EEPD1: variants seen among roughly 807,000 people sequenced by gnomAD.
EEPD1 encodes the protein endonuclease/exonuclease/phosphatase family domain containing 1.
A neutral mutation model predicts 46.3 loss-of-function variants in EEPD1; 17 were observed. The observed-to-expected ratio is 0.37, with a 90% CI of 0.25 to 0.55. The LOEUF (loss-of-function observed/expected upper bound fraction) is 0.55. Among genes scored for constraint, EEPD1 ranks in the 20% least tolerant of loss-of-function variants. The pLI is 0.83. For missense variants in EEPD1, 673 were observed against 745.6 expected (o/e 0.90, Z 1.13); for synonymous variants, 313 against 315.6 (o/e 0.99, Z 0.09).
At chr7:36,261,401 T>C (rs1786921033) in intron 3 of EEPD1, among the ~76,000 whole-genome samples, 1 of 152,188 alleles carries the variant, frequency 6.6e-6, no homozygotes, top group East Asian at 1.9e-4. Context: ...GTTTTACTTT[T>C]TAGCAGAAAG....
intron 2 of EEPD1, among the ~76,000 whole-genome samples, chr7:36,210,893 T>G (rs1785917391): frequency 6.6e-6 from 1 of 152,170 alleles, no homozygotes; most frequent in Non-Finnish European, 1.5e-5. Flanking sequence ...CACACTTTAT[T>G]TATAGTGTGG....
chr7:36,224,623 G>C (rs892268354), intron 2 of EEPD1, among the ~76,000 whole-genome samples: 2 of 152,144 alleles, frequency 1.3e-5, no homozygotes, highest in Non-Finnish European at 2.9e-5. Flanking sequence ...ACAGTAAAAC[G>C]TGAAGAAAGG....
At chr7:36,220,542 A>C (rs933181231) in intron 2 of EEPD1, among the ~76,000 whole-genome samples, 1 of 152,202 alleles carries the variant, frequency 6.6e-6, no homozygotes, top group Non-Finnish European at 1.5e-5. Flanking sequence ...GGGATGAAAG[A>C]AAGAGGTACC....
intron 2 of EEPD1, among the ~76,000 whole-genome samples, chr7:36,224,225 T>G (rs1188457954): frequency 3.3e-5 from 5 of 152,240 alleles, no homozygotes; most frequent in African/African-American, 9.6e-5. Context: ...CCAGCCTGAC[T>G]TTTACTGTTC....
rs1182394167 is a variant in EEPD1, at chr7:36,154,252, C to T, written c.-73C>T. On this transcript the variant is annotated 5_prime_UTR_variant, in exon 2 of 8. Coordinates refer to ENST00000242108, the MANE Select transcript of EEPD1 (RefSeq NM_030636.3). The surrounding 1 kb of genome is among the most constrained non-coding windows in gnomAD (Gnocchi z 4.2). ...CGTTTTTCTGTGCTTGTACGGCCTACTGGGCTTCCTCCCTAGCCAGAGAGC... is the reference window on the plus strand; with the variant it reads ...CGTTTTTCTGTGCTTGTACGGCCTATTGGGCTTCCTCCCTAGCCAGAGAGC... 18 of 1,504,510 alleles carry T rather than the reference C, an allele frequency of 1.2e-5. No individual in the cohort carries two copies. Among genetic ancestry groups the T allele is most frequent in the Non-Finnish European group, 1.6e-5 (18 of 1,131,414 alleles). The allele number at this position is 1,504,510 out of a possible 1,614,324, so 93.2% of individuals were successfully genotyped here.
chr7:36,284,639 G>A (rs1487229777), intron 4 of EEPD1, 47 bp from the exon 5 acceptor site: 3 of 1,581,590 alleles, frequency 1.9e-6, no homozygotes, highest in Admixed American at 3.6e-5. Context: ...TTCCCCAGGT[G>A]GCGCTAGGGC....
At chr7:36,198,739 T>G (rs1442638852) in intron 2 of EEPD1, among the ~76,000 whole-genome samples, 1 of 152,164 alleles carries the variant, frequency 6.6e-6, no homozygotes, top group Non-Finnish European at 1.5e-5. Context: ...ATACACAATT[T>G]CTGATTGATC....
intron 2 of EEPD1, among the ~76,000 whole-genome samples, chr7:36,204,038 C>CTT (rs532419871): frequency 3.3e-5 from 4 of 121,606 alleles, no homozygotes; most frequent in African/African-American, 6.2e-5. Context: ...TTTTCTTTTT[C>CTT]TTTTTTTTTT....
chr7:36,195,406 C>T (rs1785560806), intron 2 of EEPD1, among the ~76,000 whole-genome samples: 1 of 152,166 alleles, frequency 6.6e-6, no homozygotes, highest in Non-Finnish European at 1.5e-5. Flanking sequence ...AGGTGGGTTC[C>T]TCTATAAAAG....
chr7:36,220,854 C>T (rs1487052777), intron 2 of EEPD1, among the ~76,000 whole-genome samples: 1 of 152,154 alleles, frequency 6.6e-6, no homozygotes, highest in African/African-American at 2.4e-5. Context: ...GGCTAGAATG[C>T]AGTGGTGCAA....
chr7:36,154,843 C>T lies in EEPD1; in HGVS notation c.519C>T (p.Ser173=), dbSNP rs1397361084. The T allele has an allele frequency of 1.9e-6, 3 of 1,614,190 alleles. No individual in the cohort carries two copies. Among genetic ancestry groups the T allele is most frequent in the African/African-American group, 2.7e-5 (2 of 75,032 alleles). Reference sequence around the variant, plus strand: ...GCCGTGAGCATGGGCCCTTTCGCAGCGTTGAGGACCTAGTGAGGATGGATG... The same window carrying T: ...GCCGTGAGCATGGGCCCTTTCGCAGTGTTGAGGACCTAGTGAGGATGGATG... ...DFRREHGPFR[S]VEDLVRMDGI... Residue 173 remains serine (S), a synonymous_variant, in exon 2 of 8, where the codon AGC becomes AGT. Coordinates refer to ENST00000242108, the MANE Select transcript of EEPD1 (RefSeq NM_030636.3). The surrounding 1 kb of genome is among the most constrained non-coding windows in gnomAD (Gnocchi z 4.2).
intron 3 of EEPD1, among the ~76,000 whole-genome samples, chr7:36,277,237 T>C (rs931064833): frequency 2.0e-5 from 3 of 152,256 alleles, no homozygotes; most frequent in Admixed American, 2.0e-4. Context: ...GAACCAGCCC[T>C]GGGTTCAGAC....
At chr7:36,282,745 G>A (rs1271107481) in intron 4 of EEPD1, among the ~76,000 whole-genome samples, 1 of 152,246 alleles carries the variant, frequency 6.6e-6, no homozygotes, top group South Asian at 2.1e-4. Context: ...CAGGCTGGCC[G>A]CCTGCAGTGG....
At chr7:36,219,259 T>C (rs959077058) in intron 2 of EEPD1, among the ~76,000 whole-genome samples, 6 of 151,552 alleles carry the variant, frequency 4.0e-5, no homozygotes, top group African/African-American at 1.5e-4. Flanking sequence ...ATTTAAAAAA[T>C]TCAAAATTTA....
In EEPD1 at chr7:36,288,164, G is replaced by T. The variant is rs948323903; in HGVS notation, c.1315+387G>T. 5.9e-5 allele frequency among the ~76,000 whole-genome samples: 9 copies of T among 152,312 alleles called. No individual in the cohort carries two copies. The South Asian group carries it at 1.9e-3, about 32-fold the overall frequency. ...GTGCTCTTCCTGTGAAAGAGAGACG[G>T]GGGTGACAAGGGGAAGTGGTAAATT... On this transcript the variant is annotated intron_variant, in intron 6 of 7. Coordinates refer to ENST00000242108, the MANE Select transcript of EEPD1 (RefSeq NM_030636.3).
chr7:36,244,549 C>A (rs113537797), intron 3 of EEPD1, among the ~76,000 whole-genome samples: 1 of 152,074 alleles, frequency 6.6e-6, no homozygotes, highest in Non-Finnish European at 1.5e-5. Context: ...CATTTTTAGA[C>A]GTGCCAAGGT....
At position 36,154,446 on chromosome 7, in the gene EEPD1, A is replaced by G. The variant is rs759905183; in HGVS notation, c.122A>G (p.Asn41Ser). 31 of 1,614,096 alleles carry G rather than the reference A, an allele frequency of 1.9e-5. No homozygotes were observed. The highest frequency in any genetic ancestry group is 1.7e-5 in the Admixed American group (1 of 60,010). The change falls in exon 2 of 8, where the codon AAC (asparagine) becomes AGC (serine). Residue 41 changes from asparagine to serine, a missense_variant. Transcript: ENST00000242108. The surrounding 1 kb of genome is among the most constrained non-coding windows in gnomAD (Gnocchi z 4.2). The part of the protein sequence containing the change: ...SNILVNQERL[N>S]INTATEEELM... The stretch of plus-strand genomic sequence containing the variant: ...ATTCTAGTGAATCAGGAGCGGCTCA[A>G]CATCAACACTGCCACGGAGGAGGAG...
intron 3 of EEPD1, among the ~76,000 whole-genome samples, chr7:36,254,207 G>A (rs1786794328): frequency 6.6e-6 from 1 of 152,042 alleles, no homozygotes; most frequent in South Asian, 2.1e-4. Flanking sequence ...GTATACATGT[G>A]CCATGGTGGT....
chr7:36,286,125 TC>T (rs761401373), intron 5 of EEPD1, among the ~76,000 whole-genome samples: 5 of 152,156 alleles, frequency 3.3e-5, no homozygotes, highest in Non-Finnish European at 5.9e-5. Context: ...ATACTGATAA[TC>T]CAGTATTACC....
Sources: gnomAD v4.1 joint callset for allele counts (sites outside exome capture counted in the v4.1 genomes callset) on GRCh38, gnomAD v4.1.1 for gene constraint, Gnocchi (gnomAD v3.1) non-coding constraint, MANE v1.5 for transcripts, NCBI Gene and HGNC (gene_info 2026-07-23, HGNC 2026-07-21) for gene names.